Variants in INPP5A observed in about 807,000 individuals in gnomAD.
The protein encoded by INPP5A is inositol polyphosphate-5-phosphatase A, also known as 43 kDa inositol polyphosphate 5-phophatase.
A neutral mutation model predicts 65.2 loss-of-function variants in INPP5A; 14 were observed. The ratio of observed to expected loss-of-function variants is 0.21; its 90% CI spans 0.14 to 0.34. INPP5A has a LOEUF of 0.34. Among genes scored for constraint, INPP5A ranks in the 10% least tolerant of loss-of-function variants. The probability of loss-of-function intolerance (pLI) is 1.00; values close to 1 mark genes in which losing one functional copy is unlikely to be tolerated. For synonymous variants in INPP5A, 207 were observed against 208.3 expected (o/e 0.99, Z 0.05); for missense variants, 431 against 545.6 (o/e 0.79, Z 2.09).
chr10:132,540,113 C>G (rs772204716), intron 1 of INPP5A, among the ~76,000 whole-genome samples: 55 of 152,288 alleles, frequency 3.6e-4, no homozygotes, highest in Admixed American at 9.8e-4. Context: ...TGATTCAGAT[C>G]CGTTAGCTGC....
In INPP5A at chr10:132,771,669, GACA is replaced by G. The variant is rs879514475; in HGVS notation, c.977+5824_977+5826del. Among the ~76,000 whole-genome samples the G allele has an allele frequency of 6.8e-3, 779 of 113,788 alleles. 2 individuals carry two copies. The highest frequency in any genetic ancestry group is 0.011 in the Non-Finnish European group (561 of 52,154). 74.6% of individuals were successfully genotyped at this position (113,788 alleles called of 152,430 possible). A position where few individuals can be genotyped will look rare whatever the true frequency, so the allele number is the denominator to read the frequency against. ...CCGGCAGCCGCCCCGCGAAGAGTGGGACAGACACTCAGCACTGACACAGAGGCC... is the reference window on the plus strand; with the variant it reads ...CCGGCAGCCGCCCCGCGAAGAGTGGGGACACTCAGCACTGACACAGAGGCC... On this transcript the variant is annotated intron_variant, in intron 12 of 15. Coordinates refer to ENST00000368594, the MANE Select transcript of INPP5A (RefSeq NM_005539.5).
intron 7 of INPP5A, among the ~76,000 whole-genome samples, chr10:132,708,973 T>G (rs1845587676): frequency 6.6e-6 from 1 of 152,080 alleles, no homozygotes; most frequent in Non-Finnish European, 1.5e-5. Flanking sequence ...TTTCTTTTCA[T>G]GGATTTTCCA....
intron 4 of INPP5A, among the ~76,000 whole-genome samples, chr10:132,665,350 C>T (rs1211783141): frequency 6.6e-6 from 1 of 152,186 alleles, no homozygotes; most frequent in African/African-American, 2.4e-5. Flanking sequence ...CTGTGTTTTT[C>T]CCCTCGATTC....
At chr10:132,596,953 ACACATGTGTGCG>A (rs2071707339) in intron 1 of INPP5A, among the ~76,000 whole-genome samples, 1 of 118,276 alleles carries the variant, frequency 8.5e-6, no homozygotes, top group South Asian at 2.8e-4. Context: ...GCGTGTGTGC[ACACATGTGTGCG>A]TGTGTGCATG....
intron 1 of INPP5A, among the ~76,000 whole-genome samples, chr10:132,580,983 A>G (rs774791152): frequency 9.2e-5 from 14 of 152,238 alleles, no homozygotes; most frequent in Non-Finnish European, 1.8e-4. Context: ...CAAAATTGTT[A>G]TCAAAACAAA....
Position 132,645,977 on chromosome 10 carries a change from A to G in INPP5A, c.218+9A>G. The G allele has an allele frequency of 3.1e-6, 5 of 1,597,154 alleles. No homozygotes were observed. The highest frequency in any genetic ancestry group is 4.3e-6 in the Non-Finnish European group (5 of 1,165,228). On this transcript the variant is annotated intron_variant, in intron 3 of 15. Coordinates refer to ENST00000368594, the MANE Select transcript of INPP5A (RefSeq NM_005539.5). ...GTGGACAAGTTCGTCAAGTAAGTCT[A>G]GGGGCAGGTGCTGGTGCATGTCCAC...
At chr10:132,638,446 G>A (rs561154249) in intron 2 of INPP5A, among the ~76,000 whole-genome samples, 2 of 152,310 alleles carry the variant, frequency 1.3e-5, no homozygotes, top group East Asian at 3.8e-4. Flanking sequence ...GTGCCTTTGT[G>A]CTTCACAAAG....
In INPP5A at chr10:132,545,675, C is replaced by G. The variant is rs1052497159; in HGVS notation, c.75+7504C>G. ...CTGTCAAGTTCCCCCTTCCTTTGCT[C>G]GGTTTCATTAATTGGGATACTTGGG... On this transcript the variant is annotated intron_variant, in intron 1 of 15. Transcript: ENST00000368594. The surrounding 1 kb of genome is among the most constrained non-coding windows in gnomAD (Gnocchi z 4.6). Among the ~76,000 whole-genome samples, 4 of 152,188 alleles carry G rather than the reference C, an allele frequency of 2.6e-5. No homozygotes were observed. Among genetic ancestry groups the G allele is most frequent in the Non-Finnish European group, 5.9e-5 (4 of 68,024 alleles).
At chr10:132,544,853 C>T (rs61861422) in intron 1 of INPP5A, among the ~76,000 whole-genome samples, 12,484 of 152,172 alleles carry the variant, frequency 0.082, 665 homozygotes, top group Non-Finnish European at 0.12. Context: ...AAACTTTCAT[C>T]CCCCGTTTAC....
At chr10:132,780,975 C>T (rs1176619709) in intron 14 of INPP5A, 58 bp downstream of exon 14, 27 of 118,838 alleles carry the variant, frequency 2.3e-4, no homozygotes, top group Admixed American at 2.0e-3. Context: ...GCTAGGGGGC[C>T]GGGGGGCTGG....
At position 132,762,110 on chromosome 10, in the gene INPP5A, C is replaced by T. The variant is rs111987987; in HGVS notation, c.904-3663C>T. Among the ~76,000 whole-genome samples the T allele has an allele frequency of 1.8e-4, 28 of 152,174 alleles. No individual in the cohort carries two copies. Among genetic ancestry groups the T allele is most frequent in the African/African-American group, 5.8e-4 (24 of 41,532 alleles). On this transcript the variant is annotated intron_variant, in intron 11 of 15. Coordinates refer to ENST00000368594, the MANE Select transcript of INPP5A (RefSeq NM_005539.5). This position sits in a 1 kb window ranked among gnomAD's most constrained non-coding sequence, Gnocchi z 4.6. ...AATGGCCCAGAATGCAGCACAGAAA[C>T]GTGGCAGGATGGGACAGGAGGGTCG... is the stretch of plus-strand genomic sequence containing the variant.
At chr10:132,712,610 G>C (rs1271080554) in intron 8 of INPP5A, among the ~76,000 whole-genome samples, 1 of 151,324 alleles carries the variant, frequency 6.6e-6, no homozygotes, top group Non-Finnish European at 1.5e-5. Flanking sequence ...GCGGGTGTGT[G>C]GGTGCATGTG....
At chr10:132,763,640 C>T (rs1028138753) in intron 11 of INPP5A, among the ~76,000 whole-genome samples, 2 of 144,824 alleles carry the variant, frequency 1.4e-5, no homozygotes, top group Admixed American at 6.9e-5. Context: ...CATAAACATG[C>T]CTGCATGCAC....
intron 2 of INPP5A, among the ~76,000 whole-genome samples, chr10:132,613,286 C>T (rs1310628755): frequency 6.6e-6 from 1 of 151,240 alleles, no homozygotes; most frequent in Non-Finnish European, 1.5e-5. Flanking sequence ...CCCCGCAGGG[C>T]CCCCTCCTTC....
chr10:132,716,566 G>A (rs1237235321), intron 8 of INPP5A, among the ~76,000 whole-genome samples: 4 of 152,218 alleles, frequency 2.6e-5, no homozygotes, highest in African/African-American at 4.8e-5. Flanking sequence ...CAGACAGGAC[G>A]ATGCCTGTGC....
chr10:132,580,100 CT>C (rs903118542), intron 1 of INPP5A, among the ~76,000 whole-genome samples: 3 of 152,134 alleles, frequency 2.0e-5, no homozygotes, highest in Admixed American at 1.3e-4. Context: ...GTTCCAGGGG[CT>C]GCATCTGGGT....
chr10:132,773,103 C>T (rs1018806541), intron 12 of INPP5A, among the ~76,000 whole-genome samples: 9 of 152,360 alleles, frequency 5.9e-5, no homozygotes, highest in Non-Finnish European at 8.8e-5. Context: ...GGCTGTGGGC[C>T]GGCGCAGGGT....
chr10:132,746,829 C>G (rs1846379208), intron 9 of INPP5A, among the ~76,000 whole-genome samples: 1 of 152,244 alleles, frequency 6.6e-6, no homozygotes, highest in African/African-American at 2.4e-5. Flanking sequence ...AAAGGCCCAG[C>G]CTGGCCACTT....
At chr10:132,710,808 G>A (rs1050444148) in intron 8 of INPP5A, among the ~76,000 whole-genome samples, 19 of 147,476 alleles carry the variant, frequency 1.3e-4, no homozygotes, top group African/African-American at 4.0e-4. Context: ...TATGGGTGGA[G>A]AGGTAGGTGT....
Sources: allele counts gnomAD v4.1 joint callset (sites outside exome capture counted in the v4.1 genomes callset), GRCh38; gene constraint gnomAD v4.1.1; non-coding constraint Gnocchi (gnomAD v3.1); transcripts MANE v1.5; gene names NCBI Gene and HGNC (gene_info 2026-07-23, HGNC 2026-07-21).